BTBD9: variants seen among roughly 807,000 people sequenced by gnomAD.
BTBD9 encodes BTB/POZ domain-containing protein 9.
BTBD9 carries 49 observed loss-of-function variants against 64.3 expected under a neutral mutation model. The ratio of observed to expected loss-of-function variants is 0.76; its 90% confidence interval spans 0.61 to 0.97. The LOEUF is 0.97. BTBD9 is among the 50% of genes least tolerant of loss of function. The pLI is 0.00. For missense variants in BTBD9, 598 were observed against 762.1 expected, an observed-to-expected ratio of 0.78 and a Z score of 2.53; for synonymous variants, 260 against 274.7, an observed-to-expected ratio of 0.95 and a Z score of 0.53.
chr6:38,518,779 A>G (rs961172489), intron 6 of BTBD9, among the ~76,000 whole-genome samples: 2 of 152,254 alleles, frequency 1.3e-5, no homozygotes, highest in African/African-American at 4.8e-5. Flanking sequence ...TGCATAAAGC[A>G]TCTGGCTGGT....
intron 6 of BTBD9, among the ~76,000 whole-genome samples, chr6:38,472,645 C>A (rs1770701168): frequency 6.6e-6 from 1 of 152,142 alleles, no homozygotes. Flanking sequence ...GTTGCAACTT[C>A]TACAGACAAA....
intron 6 of BTBD9, among the ~76,000 whole-genome samples, chr6:38,541,909 T>C (rs1298162321): frequency 6.6e-6 from 1 of 152,244 alleles, no homozygotes; most frequent in African/African-American, 2.4e-5. Context: ...CTAAGATTGC[T>C]GTCATGCTTA....
intron 6 of BTBD9, among the ~76,000 whole-genome samples, chr6:38,425,908 C>T (rs1007720077): frequency 2.0e-5 from 3 of 146,828 alleles, no homozygotes; most frequent in African/African-American, 7.6e-5. Context: ...CAAAGTGAGA[C>T]CCTATCTCAA....
intron 6 of BTBD9, among the ~76,000 whole-genome samples, chr6:38,545,354 C>G (rs988444768): frequency 6.6e-6 from 1 of 152,058 alleles, no homozygotes; most frequent in Admixed American, 6.6e-5. Flanking sequence ...CCACCATGTC[C>G]GGCCATGACT....
At chr6:38,212,805 C>T (rs994627299) in intron 9 of BTBD9, among the ~76,000 whole-genome samples, 37 of 152,142 alleles carry the variant, frequency 2.4e-4, no homozygotes, top group African/African-American at 8.4e-4. Context: ...TCCAAGGAGA[C>T]GGCCTCCTCC....
chr6:38,324,147 G>A (rs948052941), intron 7 of BTBD9, among the ~76,000 whole-genome samples: 4 of 152,048 alleles, frequency 2.6e-5, no homozygotes, highest in Admixed American at 6.6e-5. Flanking sequence ...TTCAAAAAAC[G>A]GATAATTTAC....
At chr6:38,498,988 C>G (rs1772078014) in intron 6 of BTBD9, among the ~76,000 whole-genome samples, 1 of 152,188 alleles carries the variant, frequency 6.6e-6, no homozygotes. Context: ...AATGAATGAT[C>G]TAACATAACT....
intron 9 of BTBD9, among the ~76,000 whole-genome samples, chr6:38,195,266 C>A (rs1169139154): frequency 6.6e-6 from 1 of 152,214 alleles, no homozygotes; most frequent in Non-Finnish European, 1.5e-5. Flanking sequence ...CAGAAAACCA[C>A]CTGCATTGTT....
intron 7 of BTBD9, among the ~76,000 whole-genome samples, chr6:38,317,607 C>CTT (rs1162184810): frequency 6.6e-6 from 1 of 152,174 alleles, no homozygotes; most frequent in Non-Finnish European, 1.5e-5. Flanking sequence ...TCTACCTCCT[C>CTT]TTTAAGGCCA....
At position 38,299,223 on chromosome 6, in the gene BTBD9, G is replaced by A. The variant is rs370302110; in HGVS notation, c.1265-10762C>T. 5.3e-5 allele frequency among the ~76,000 whole-genome samples: 8 copies of A among 152,242 alleles called. No homozygotes were observed. In the East Asian group the frequency reaches 1.5e-3, roughly 29 times the overall value. On this transcript the variant is annotated intron_variant, in intron 7 of 10. Transcript: ENST00000481247. ...ATGGCTGCATAGTATTCCATGGTGT[G>A]TATGTGCCACATTTTCTTAATCCAG... is the stretch of plus-strand genomic sequence containing the variant.
At chr6:38,226,204 G>C (rs1763387449) in intron 9 of BTBD9, among the ~76,000 whole-genome samples, 1 of 152,188 alleles carries the variant, frequency 6.6e-6, no homozygotes, top group East Asian at 1.9e-4. Context: ...TTCAAAGGGG[G>C]GTGGGAGTGT....
intron 8 of BTBD9, among the ~76,000 whole-genome samples, chr6:38,286,201 G>A (rs2127554135): frequency 6.6e-6 from 1 of 152,176 alleles, no homozygotes; most frequent in African/African-American, 2.4e-5. Context: ...TTATAAAAAA[G>A]GGTCAACAAT....
At chr6:38,559,505 A>G (rs558757890) in intron 6 of BTBD9, among the ~76,000 whole-genome samples, 2 of 152,200 alleles carry the variant, frequency 1.3e-5, no homozygotes, top group Non-Finnish European at 2.9e-5. Context: ...ATACTGCCCA[A>G]TGCAATCTAC....
At chr6:38,534,475 C>CAAAA (rs57383061) in intron 6 of BTBD9, among the ~76,000 whole-genome samples, 24 of 94,928 alleles carry the variant, frequency 2.5e-4, no homozygotes, top group South Asian at 9.4e-4. Flanking sequence ...TCAAACTGTT[C>CAAAA]AAAAAAAAAA....
intron 6 of BTBD9, among the ~76,000 whole-genome samples, chr6:38,404,424 T>C (rs893456362): frequency 1.3e-5 from 2 of 152,152 alleles, no homozygotes; most frequent in African/African-American, 2.4e-5. Context: ...AGAAGTAGAA[T>C]AGACAAATTT....
chr6:38,169,023 A>G lies in BTBD9; in HGVS notation c.*5962T>C, dbSNP rs1766637504. The stretch of plus-strand genomic sequence containing the variant: ...TGAAGGTCACTGTGGAGGGCGCACC[A>G]AGGCCTGGAGAGCCTTGGGGAGAGA... On this transcript the variant is annotated 3_prime_UTR_variant, in exon 11 of 11. Transcript: ENST00000481247. The G allele has an allele frequency of 6.6e-6, 1 of 152,298 alleles. No homozygotes were observed. The highest frequency in any genetic ancestry group is 2.4e-5 in the African/African-American group (1 of 41,442). The allele number at this position is 152,298 out of a possible 1,614,324, so 9.4% of individuals were successfully genotyped here.
intron 9 of BTBD9, among the ~76,000 whole-genome samples, chr6:38,203,054 C>T (rs1219023982): frequency 6.6e-6 from 1 of 151,874 alleles, no homozygotes; most frequent in Non-Finnish European, 1.5e-5. Context: ...TACAAATAGC[C>T]AAAGGGTATA....
intron 6 of BTBD9, among the ~76,000 whole-genome samples, chr6:38,479,114 C>A (rs1771017556): frequency 6.6e-6 from 1 of 152,150 alleles, no homozygotes; most frequent in Non-Finnish European, 1.5e-5. Flanking sequence ...AAGAACGCGA[C>A]CAACACCACA....
At chr6:38,459,451 C>T (rs1478582230) in intron 6 of BTBD9, among the ~76,000 whole-genome samples, 3 of 152,196 alleles carry the variant, frequency 2.0e-5, no homozygotes, top group Non-Finnish European at 4.4e-5. Context: ...AAGAACATAC[C>T]ACTTTCATGC....
Sources: gnomAD v4.1 joint callset for allele counts (sites outside exome capture counted in the v4.1 genomes callset) on GRCh38, gnomAD v4.1.1 for gene constraint, MANE v1.5 for transcripts, NCBI Gene and HGNC (gene_info 2026-07-23, HGNC 2026-07-21) for gene names.